OSBPL8: variants seen among roughly 807,000 people sequenced by gnomAD.
OSBPL8 encodes oxysterol-binding protein-related protein 8.
OSBPL8 carries 59 observed loss-of-function variants against 125.5 expected under a neutral mutation model. The ratio of observed to expected loss-of-function variants is 0.47; its 90% CI spans 0.38 to 0.58. The LOEUF (loss-of-function observed/expected upper bound fraction) is 0.58. OSBPL8 is among the 20% of genes least tolerant of loss of function. The pLI, the probability that OSBPL8 is intolerant of heterozygous loss-of-function variation, is 0.00. For missense variants in OSBPL8, 758 were observed against 1,047.8 expected, an observed-to-expected ratio of 0.72 and a Z score of 3.82; for synonymous variants, 330 against 338.9, an observed-to-expected ratio of 0.97 and a Z score of 0.29.
At chr12:76,534,073 A>G (rs1950424787) in intron 1 of OSBPL8, among the ~76,000 whole-genome samples, 1 of 152,212 alleles carries the variant, frequency 6.6e-6, no homozygotes, top group African/African-American at 2.4e-5. Context: ...CCTGAGTGCT[A>G]TTTTGAAACC....
At position 76,519,628 on chromosome 12, in the gene OSBPL8, T is replaced by C. The variant is rs568926389; in HGVS notation, c.-67-32010A>G. On this transcript the variant is annotated intron_variant, in intron 1 of 23. Coordinates refer to ENST00000261183, the MANE Select transcript of OSBPL8 (RefSeq NM_020841.5). Reference sequence around the variant, plus strand: ...ATCTGGGTAATTTATAAAGAAAATATGTTTATTTTGGCTCATGGTCCCGCA... The same window carrying C: ...ATCTGGGTAATTTATAAAGAAAATACGTTTATTTTGGCTCATGGTCCCGCA... Among the ~76,000 whole-genome samples the C allele has an allele frequency of 1.5e-3, 231 of 152,252 alleles. 2 individuals carry two copies. Among genetic ancestry groups the C allele is most frequent in the African/African-American group, 5.2e-3 (217 of 41,540 alleles).
intron 1 of OSBPL8, among the ~76,000 whole-genome samples, chr12:76,498,187 CTGAGGTCA>C (rs1477103529): frequency 6.6e-6 from 1 of 152,174 alleles, no homozygotes; most frequent in African/African-American, 2.4e-5. Flanking sequence ...GGCGGATCAC[CTGAGGTCA>C]TAAGTTCGAG....
At chr12:76,509,782 G>C (rs944484279) in intron 1 of OSBPL8, among the ~76,000 whole-genome samples, 1 of 152,154 alleles carries the variant, frequency 6.6e-6, no homozygotes, top group Non-Finnish European at 1.5e-5. Context: ...ACAACTTTAG[G>C]AAGATGGATG....
Position 76,369,312 on chromosome 12 carries a change from G to GAAA in OSBPL8, c.2241-14_2241-12dup, listed in dbSNP as rs11459293. 343 of 1,407,632 alleles carry GAAA rather than the reference G, an allele frequency of 2.4e-4. No homozygotes were observed. The highest frequency in any genetic ancestry group is 1.3e-3 in the East Asian group (48 of 37,276). 87.2% of individuals were successfully genotyped at this position (1,407,632 alleles called of 1,614,324 possible). ...TCCCATGGTCGGGTACTACATAAAT[G>GAAA]AAAAAAAAAAAAACCATTTGCTCAA... On this transcript the variant is annotated splice_polypyrimidine_tract_variant and intron_variant, in intron 20 of 23. Coordinates refer to ENST00000261183, the MANE Select transcript of OSBPL8 (RefSeq NM_020841.5).
At chr12:76,557,012 C>T (rs543958522) in intron 1 of OSBPL8, among the ~76,000 whole-genome samples, 1 of 152,230 alleles carries the variant, frequency 6.6e-6, no homozygotes, top group East Asian at 1.9e-4. Flanking sequence ...ATTTGCAGGT[C>T]ATTATTTGTA....
chr12:76,428,358 T>C (rs1870405492), intron 4 of OSBPL8, among the ~76,000 whole-genome samples: 2 of 151,946 alleles, frequency 1.3e-5, no homozygotes, highest in Non-Finnish European at 2.9e-5. Flanking sequence ...AGAATTTTAA[T>C]GAGTTGTCTG....
At chr12:76,424,861 T>C (rs1431025376) in intron 4 of OSBPL8, among the ~76,000 whole-genome samples, 1 of 152,072 alleles carries the variant, frequency 6.6e-6, no homozygotes, top group African/African-American at 2.4e-5. Flanking sequence ...TATCTATATA[T>C]ATCCCAAAAG....
At chr12:76,368,773 A>G (rs1952511594) in intron 21 of OSBPL8, among the ~76,000 whole-genome samples, 2 of 152,120 alleles carry the variant, frequency 1.3e-5, no homozygotes, top group Non-Finnish European at 2.9e-5. Context: ...TTTCTCAGAG[A>G]TGAGTGCCTG....
intron 1 of OSBPL8, among the ~76,000 whole-genome samples, chr12:76,507,629 G>C (rs767695496): frequency 6.6e-6 from 1 of 151,488 alleles, no homozygotes; most frequent in Non-Finnish European, 1.5e-5. Context: ...AGACCAGCCT[G>C]GCCAACATGG....
intron 1 of OSBPL8, among the ~76,000 whole-genome samples, chr12:76,518,410 G>A (rs1881757792): frequency 6.6e-6 from 1 of 152,174 alleles, no homozygotes; most frequent in Non-Finnish European, 1.5e-5. Flanking sequence ...CTCACAGGTT[G>A]GACTTGAGTG....
At chr12:76,407,104 T>C (rs1347488050) in intron 5 of OSBPL8, among the ~76,000 whole-genome samples, 1 of 152,058 alleles carries the variant, frequency 6.6e-6, no homozygotes, top group African/African-American at 2.4e-5. Flanking sequence ...ACTTAAATCA[T>C]GAAAGGAATA....
At chr12:76,499,367 A>ATCTATCT (rs75741131) in intron 1 of OSBPL8, among the ~76,000 whole-genome samples, 1 of 62,236 alleles carries the variant, frequency 1.6e-5, no homozygotes, top group Non-Finnish European at 3.5e-5. Context: ...CTATCTATCT[A>ATCTATCT]ATCTATCTAA....
At chr12:76,416,619 C>T (rs542924075) in intron 4 of OSBPL8, among the ~76,000 whole-genome samples, 5 of 152,096 alleles carry the variant, frequency 3.3e-5, no homozygotes, top group African/African-American at 7.2e-5. Context: ...TGTCTGGTAT[C>T]AATAGATACA....
chr12:76,531,533 A>G (rs1339549443), intron 1 of OSBPL8, among the ~76,000 whole-genome samples: 1 of 152,210 alleles, frequency 6.6e-6, no homozygotes, highest in Non-Finnish European at 1.5e-5. Context: ...GAAAATATTA[A>G]TAAGATGTAT....
chr12:76,488,122 C>T (rs1325897630), intron 1 of OSBPL8, among the ~76,000 whole-genome samples: 1 of 151,998 alleles, frequency 6.6e-6, no homozygotes, highest in Non-Finnish European at 1.5e-5. Context: ...AATATATAAA[C>T]AATTCCAACA....
chr12:76,553,626 T>C (rs1951008073), intron 1 of OSBPL8, among the ~76,000 whole-genome samples: 2 of 150,292 alleles, frequency 1.3e-5, no homozygotes, highest in South Asian at 2.1e-4. Context: ...TGAGCCATGG[T>C]AGTGAGTGCC....
intron 4 of OSBPL8, among the ~76,000 whole-genome samples, chr12:76,449,272 T>TA (rs1434430988): frequency 6.6e-6 from 1 of 152,136 alleles, no homozygotes; most frequent in African/African-American, 2.4e-5. Flanking sequence ...CAGCTATGAG[T>TA]AGTACCACAG....
intron 1 of OSBPL8, among the ~76,000 whole-genome samples, chr12:76,544,222 AAC>A (rs1950721973): frequency 6.6e-6 from 1 of 152,304 alleles, no homozygotes; most frequent in South Asian, 2.1e-4. Flanking sequence ...CAAAAGAAGA[AAC>A]AGTTTCACCC....
At chr12:76,393,401 A>C (rs931181642) in intron 9 of OSBPL8, among the ~76,000 whole-genome samples, 2 of 152,070 alleles carry the variant, frequency 1.3e-5, no homozygotes, top group Non-Finnish European at 2.9e-5. Context: ...GAAAGCTCAT[A>C]CCTATATTTT....
Sources: gnomAD v4.1 joint callset for allele counts (sites outside exome capture counted in the v4.1 genomes callset) on GRCh38, gnomAD v4.1.1 for gene constraint, MANE v1.5 for transcripts, NCBI Gene and HGNC (gene_info 2026-07-23, HGNC 2026-07-21) for gene names.